The following NEK1 variants were observed in gnomAD, a reference collection of about 807,000 sequenced individuals.
The protein encoded by NEK1 is NIMA related kinase 1.
A neutral mutation model predicts 182.1 loss-of-function variants in NEK1; 137 were observed. The ratio of observed to expected loss-of-function variants is 0.75; its 90% CI spans 0.65 to 0.87. NEK1 has a LOEUF of 0.87. NEK1 is among the 40% of genes least tolerant of loss of function. The pLI is 0.00. For missense variants in NEK1, 1,391 were observed against 1,494.4 expected, an observed-to-expected ratio of 0.93 and a Z score of 1.14; for synonymous variants, 513 against 492.2, an observed-to-expected ratio of 1.04 and a Z score of -0.56.
In NEK1 at chr4:169,401,713, A is replaced by G. The variant is rs1402472562; in HGVS notation, c.3522T>C (p.Asp1174=). 1 of 1,613,838 alleles carries G rather than the reference A, an allele frequency of 6.2e-7. No homozygotes were observed. Among genetic ancestry groups the G allele is most frequent in the Non-Finnish European group, 8.5e-7 (1 of 1,179,844 alleles). ...TGGGATTGTCATCTTCATCTGCCACATCTGTCCCATTTGCAGTTGGCTCCA... is the reference window on the plus strand; with the variant it reads ...TGGGATTGTCATCTTCATCTGCCACGTCTGTCCCATTTGCAGTTGGCTCCA... ...SDVEPTANGT[D]VADEDDNPSS... The change falls in exon 33 of 36, where the codon GAT becomes GAC. Residue 1174 remains aspartate (D), a synonymous_variant. Coordinates refer to ENST00000507142, the MANE Select transcript of NEK1 (RefSeq NM_001199397.3).
rs1165193274 is a variant in NEK1, at chr4:169,587,565, T to C, written c.600A>G (p.Lys200=). ...TTCAGAAACTTCTACTTACAGCATG[T>C]TTAAGTGTACACAGCTCATAAAGGA... is the stretch of plus-strand genomic sequence containing the variant. The part of the protein sequence containing the change: ...GCVLYELCTL[K]HAFEAGSMKN... Residue 200 remains lysine, a synonymous_variant, in exon 9 of 36, where the codon AAA becomes AAG. Transcript: ENST00000507142. The C allele has an allele frequency of 6.6e-7, 1 of 1,509,276 alleles. No homozygotes were observed. The highest frequency in any genetic ancestry group is 8.9e-7 in the Non-Finnish European group (1 of 1,120,140). The allele number at this position is 1,509,276 out of a possible 1,614,324, so 93.5% of individuals were successfully genotyped here.
At chr4:169,416,092 G>C (rs1410481361) in intron 31 of NEK1, among the ~76,000 whole-genome samples, 1 of 152,102 alleles carries the variant, frequency 6.6e-6, no homozygotes, top group African/African-American at 2.4e-5. Context: ...CGAAAACTAA[G>C]GACATCTGCT....
chr4:169,419,941 C>T (rs112344087), intron 31 of NEK1, among the ~76,000 whole-genome samples: 1 of 152,112 alleles, frequency 6.6e-6, no homozygotes, highest in Non-Finnish European at 1.5e-5. Flanking sequence ...GCTTGTGGAA[C>T]TGGAAGTTGC....
intron 19 of NEK1, among the ~76,000 whole-genome samples, chr4:169,534,728 G>C (rs1034330212): frequency 3.9e-5 from 6 of 152,042 alleles, no homozygotes; most frequent in Non-Finnish European, 5.9e-5. Flanking sequence ...AACTTTGAAA[G>C]ACTCAAACTA....
At position 169,585,477 on chromosome 4, in the gene NEK1, A is replaced by C; in HGVS notation, c.679T>G (p.Tyr227Asp). The C allele has an allele frequency of 6.2e-7, 1 of 1,613,698 alleles. No individual in the cohort carries two copies. The highest frequency in any genetic ancestry group is 8.5e-7 in the Non-Finnish European group (1 of 1,179,692). ...ACCAAACTGCGGAGATCATAGGAATAATGCAAAGACACAGGTGGAAAAGAT... is the reference window on the plus strand; with the variant it reads ...ACCAAACTGCGGAGATCATAGGAATCATGCAAAGACACAGGTGGAAAAGAT... ...SGSFPPVSLH[Y>D]SYDLRSLVSQ... Residue 227 changes from tyrosine to aspartate, a missense_variant, in exon 10 of 36, where the codon TAT becomes GAT. Tyr to Asp is a radical substitution (Grantham distance 160, BLOSUM62 -3). This residue lies in a region of NEK1 where 1,216 missense variants were observed against 1,277.6 expected (regional missense o/e 0.95). Coordinates refer to ENST00000507142, the MANE Select transcript of NEK1 (RefSeq NM_001199397.3).
At chr4:169,577,808 A>G (rs1580909945) in intron 11 of NEK1, among the ~76,000 whole-genome samples, 1 of 152,098 alleles carries the variant, frequency 6.6e-6, no homozygotes, top group Non-Finnish European at 1.5e-5. Context: ...CATTTTAGAA[A>G]CTACTTTCAA....
Position 169,498,233 on chromosome 4 carries a change from CT to C in NEK1, c.2007+8803del, listed in dbSNP as rs1388300596. Among the ~76,000 whole-genome samples, 6 of 152,160 alleles carry C rather than the reference CT, an allele frequency of 3.9e-5. No individual in the cohort carries two copies. The East Asian group carries it at 7.7e-4, about 20-fold the overall frequency. ...CAGAGACTAGGATTGCAACCCCTGC[CT>C]TTTTTTGTTTTCCATTTGCTTGGTA... is the stretch of plus-strand genomic sequence containing the variant. On this transcript the variant is annotated intron_variant, in intron 23 of 35. Coordinates refer to ENST00000507142, the MANE Select transcript of NEK1 (RefSeq NM_001199397.3).
Position 169,585,018 on chromosome 4 carries a change from T to TA in NEK1, c.807+330dup, listed in dbSNP as rs200658661. On this transcript the variant is annotated intron_variant, in intron 10 of 35. Transcript: ENST00000507142. ...CTGAATAACATAATGAGACTGTCTC[T>TA]AAAAAAAATTTTTTTTTAATATTAG... 6.6e-5 allele frequency among the ~76,000 whole-genome samples: 10 copies of TA among 152,200 alleles called. No individual in the cohort carries two copies. The East Asian group carries it at 9.6e-4, about 15-fold the overall frequency.
intron 18 of NEK1, 171 bp downstream of exon 18, chr4:169,555,549 C>CAG: frequency 1.7e-6 from 1 of 578,700 alleles, no homozygotes. Flanking sequence ...TACATGCTTT[C>CAG]AGAGTAATCA....
intron 23 of NEK1, among the ~76,000 whole-genome samples, chr4:169,486,378 G>A (rs1258246251): frequency 6.6e-6 from 1 of 152,144 alleles, no homozygotes; most frequent in African/African-American, 2.4e-5. Flanking sequence ...ATAGTGAGGC[G>A]AGGCTTACAA....
At chr4:169,420,071 TTC>T (rs1265346080) in intron 31 of NEK1, among the ~76,000 whole-genome samples, 3 of 152,174 alleles carry the variant, frequency 2.0e-5, no homozygotes, top group East Asian at 1.9e-4. Context: ...TTTAAAAATT[TTC>T]TGTCTTCAAT....
intron 18 of NEK1, among the ~76,000 whole-genome samples, chr4:169,553,544 A>T (rs945366348): frequency 3.9e-5 from 6 of 152,210 alleles, no homozygotes; most frequent in Admixed American, 1.3e-4. Flanking sequence ...CCACTCTGCA[A>T]AACAAAATAT....
At chr4:169,472,527 C>A (rs1746193650) in intron 26 of NEK1, among the ~76,000 whole-genome samples, 2 of 152,224 alleles carry the variant, frequency 1.3e-5, no homozygotes, top group South Asian at 4.1e-4. Flanking sequence ...CAGAAATCAC[C>A]TGCCTTCTGC....
rs574417741 is a variant in NEK1, at chr4:169,579,546, T to C, written c.868+1296A>G. Among the ~76,000 whole-genome samples the C allele has an allele frequency of 2.0e-5, 3 of 152,196 alleles. No homozygotes were observed. In the South Asian group the frequency reaches 6.2e-4, roughly 32 times the overall value. The stretch of plus-strand genomic sequence containing the variant: ...TGGCTCATGCCTGTAATCCCAGCAC[T>C]TTCGGAGGCCAAGGCAGGCAGATCA... On this transcript the variant is annotated intron_variant, in intron 11 of 35. Coordinates refer to ENST00000507142, the MANE Select transcript of NEK1 (RefSeq NM_001199397.3).
intron 27 of NEK1, among the ~76,000 whole-genome samples, chr4:169,447,196 CTT>C (rs1209280081): frequency 2.0e-5 from 3 of 152,156 alleles, no homozygotes; most frequent in Non-Finnish European, 4.4e-5. Context: ...CAGCAGCAGA[CTT>C]TGTGTCTGGC....
intron 18 of NEK1, among the ~76,000 whole-genome samples, chr4:169,548,751 T>C (rs1007518179): frequency 6.6e-6 from 1 of 152,228 alleles, no homozygotes; most frequent in African/African-American, 2.4e-5. Context: ...AACTTCCCAG[T>C]GGCTTTGTTT....
intron 4 of NEK1, among the ~76,000 whole-genome samples, chr4:169,599,911 A>T (rs994361058): frequency 6.6e-6 from 1 of 151,950 alleles, no homozygotes; most frequent in African/African-American, 2.4e-5. Context: ...TTCTTTTAAG[A>T]AAAAGTGTCT....
At chr4:169,424,252 T>C (rs1443861692) in intron 31 of NEK1, among the ~76,000 whole-genome samples, 9 of 152,166 alleles carry the variant, frequency 5.9e-5, no homozygotes, top group Non-Finnish European at 5.9e-5. Context: ...AGTGTGATAC[T>C]AAAAATGGAA....
chr4:169,414,460 C>CA (rs1445182223), intron 31 of NEK1, among the ~76,000 whole-genome samples: 3 of 152,006 alleles, frequency 2.0e-5, no homozygotes, highest in African/African-American at 7.2e-5. Flanking sequence ...ATGTATTTGA[C>CA]AAAGTGTTCA....
Sources: gnomAD v4.1 joint callset for allele counts (sites outside exome capture counted in the v4.1 genomes callset) on GRCh38, gnomAD v4.1.1 for gene constraint, gnomAD v4.1.1 regional missense constraint, MANE v1.5 for transcripts, NCBI Gene and HGNC (gene_info 2026-07-23, HGNC 2026-07-21) for gene names.